Variants in SLIT1 observed in about 807,000 individuals in gnomAD.
SLIT1 encodes the protein slit guidance ligand 1, also known as slit homolog 1 protein.
In SLIT1, 66 loss-of-function variants were observed where a neutral mutation model predicts 186.1. That is an observed-to-expected ratio of 0.35 (90% CI 0.29 to 0.44). SLIT1 has a LOEUF of 0.44. SLIT1 is among the 20% of genes least tolerant of loss of function. SLIT1 has a pLI of 1.00. For synonymous variants in SLIT1, 761 were observed against 833.8 expected (o/e 0.91, Z 1.50); for missense variants, 1,638 against 2,037.4 (o/e 0.80, Z 3.77).
At chr10:97,023,999 G>A (rs892370879) in intron 25 of SLIT1, among the ~76,000 whole-genome samples, 2 of 152,074 alleles carry the variant, frequency 1.3e-5, no homozygotes, top group Admixed American at 6.6e-5. Context: ...GGGAGGGAGC[G>A]AGGGAAGGAA....
chr10:97,131,072 G>T (rs1486844336), intron 4 of SLIT1, among the ~76,000 whole-genome samples: 1 of 152,158 alleles, frequency 6.6e-6, no homozygotes, highest in Non-Finnish European at 1.5e-5. Context: ...ACCCTGCCAG[G>T]TGAGACCGAC....
chr10:97,118,962 T>C (rs1265916207), intron 4 of SLIT1, among the ~76,000 whole-genome samples: 1 of 152,094 alleles, frequency 6.6e-6, no homozygotes, highest in Non-Finnish European at 1.5e-5. Flanking sequence ...CGGAAATACA[T>C]CCCTGCTCTG....
At chr10:97,024,370 G>C (rs1464364274) in intron 25 of SLIT1, among the ~76,000 whole-genome samples, 5 of 152,120 alleles carry the variant, frequency 3.3e-5, no homozygotes, top group African/African-American at 4.8e-5. Context: ...AATATATCTG[G>C]GGGTCACTTC....
chr10:97,134,468 A>T (rs979259989), intron 4 of SLIT1, among the ~76,000 whole-genome samples: 10 of 152,116 alleles, frequency 6.6e-5, no homozygotes, highest in African/African-American at 2.4e-4. Flanking sequence ...GCCCCTGGGT[A>T]GGAGCAGACC....
intron 1 of SLIT1, among the ~76,000 whole-genome samples, chr10:97,181,144 G>C (rs1850332140): frequency 6.6e-6 from 1 of 152,138 alleles, no homozygotes; most frequent in East Asian, 1.9e-4. Flanking sequence ...CAGTCATTCA[G>C]AGCCCAGCAA....
chr10:97,133,940 C>A (rs1169726927), intron 4 of SLIT1, among the ~76,000 whole-genome samples: 1 of 152,096 alleles, frequency 6.6e-6, no homozygotes, highest in East Asian at 1.9e-4. Context: ...AGCCGTATAC[C>A]CTTGCTATTG....
intron 1 of SLIT1, among the ~76,000 whole-genome samples, chr10:97,170,899 G>A (rs1189514948): frequency 6.6e-6 from 1 of 151,944 alleles, no homozygotes; most frequent in African/African-American, 2.4e-5. Context: ...AAACTCCCTG[G>A]GCTCCTCTCG....
Position 97,049,025 on chromosome 10 carries a change from G to A in SLIT1, c.1395C>T (p.Arg465=), listed in dbSNP as rs774875316. The A allele has an allele frequency of 3.7e-6, 6 of 1,613,252 alleles. No individual in the cohort carries two copies. The South Asian group carries it at 5.5e-5, about 15-fold the overall frequency. ...RTNPIETSGA[R]CASPRRLANK... ...TGGCGAGGCGCCGGGGACTGGCACA[G>A]CGGGCACCACTCGTCTCGATGGGAT... The change falls in exon 14 of 37, where the codon CGC becomes CGT. Residue 465 remains arginine (R), a synonymous_variant. Coordinates refer to ENST00000266058, the MANE Select transcript of SLIT1 (RefSeq NM_003061.3).
At chr10:97,127,994 C>T (rs181543537) in intron 4 of SLIT1, among the ~76,000 whole-genome samples, 1 of 152,322 alleles carries the variant, frequency 6.6e-6, no homozygotes, top group East Asian at 1.9e-4. Context: ...AGAACAGACC[C>T]AGCTCCCACA....
Position 97,075,595 on chromosome 10 carries a change from A to G in SLIT1, c.414-9509T>C, listed in dbSNP as rs368807350. 5.3e-5 allele frequency among the ~76,000 whole-genome samples: 8 copies of G among 152,326 alleles called. No individual in the cohort carries two copies. In the South Asian group the frequency reaches 1.7e-3, roughly 32 times the overall value. On this transcript the variant is annotated intron_variant, in intron 4 of 36. Transcript: ENST00000266058. ...TCACACACTCAGCGTGCCCACTGGTAGCTGGTGCCAGCACGGGGCAGCCTC... is the reference window on the plus strand; with the variant it reads ...TCACACACTCAGCGTGCCCACTGGTGGCTGGTGCCAGCACGGGGCAGCCTC...
At chr10:97,003,045 G>A in intron 34 of SLIT1, 53 bp from the exon 35 acceptor site, 1 of 1,556,454 alleles carries the variant, frequency 6.4e-7, no homozygotes, top group Non-Finnish European at 8.8e-7. Context: ...GGCTATGCCG[G>A]GCACCCACCC....
chr10:97,173,967 C>T (rs1850224396), intron 1 of SLIT1, among the ~76,000 whole-genome samples: 1 of 152,228 alleles, frequency 6.6e-6, no homozygotes, highest in Non-Finnish European at 1.5e-5. Flanking sequence ...AGGGCTTCCA[C>T]TCTGCTCCTC....
In SLIT1 at chr10:97,004,301, C is replaced by T. The variant is rs537911890; in HGVS notation, c.3711-79G>A. 2 of 1,418,200 alleles carry T rather than the reference C, an allele frequency of 1.4e-6. No individual in the cohort carries two copies. Among genetic ancestry groups the T allele is most frequent in the East Asian group, 4.6e-5 (2 of 43,304 alleles). 87.9% of individuals were successfully genotyped at this position (1,418,200 alleles called of 1,614,324 possible). ...CCCTGCCTGGGCACTTCCCCAGAAA[C>T]ACCAGTAGCTGCTTCCCAGGAGACC... On this transcript the variant is annotated intron_variant, in intron 33 of 36. Coordinates refer to ENST00000266058, the MANE Select transcript of SLIT1 (RefSeq NM_003061.3). This position sits in a 1 kb window ranked among gnomAD's most constrained non-coding sequence, Gnocchi z 5.1.
chr10:97,001,701 T>C (rs1452223832), intron 36 of SLIT1, among the ~76,000 whole-genome samples: 1 of 152,032 alleles, frequency 6.6e-6, no homozygotes, highest in East Asian at 1.9e-4. Context: ...TAGGGGACCC[T>C]TAAGGTGCCT....
chr10:97,088,765 G>C (rs1482922554), intron 4 of SLIT1, among the ~76,000 whole-genome samples: 1 of 152,166 alleles, frequency 6.6e-6, no homozygotes, highest in African/African-American at 2.4e-5. Flanking sequence ...CAGAAGCCAG[G>C]AACCAGGGCT....
intron 4 of SLIT1, among the ~76,000 whole-genome samples, chr10:97,122,550 TGTGTATGTGA>T (rs1310206460): frequency 6.6e-6 from 1 of 152,038 alleles, no homozygotes; most frequent in Non-Finnish European, 1.5e-5. Context: ...GCCTGGATGA[TGTGTATGTGA>T]GTGTGTGTGA....
At position 97,002,789 on chromosome 10, in the gene SLIT1, T is replaced by C; in HGVS notation, c.4069A>G (p.Thr1357Ala). 2 of 1,613,760 alleles carry C rather than the reference T, an allele frequency of 1.2e-6. No individual in the cohort carries two copies. Among genetic ancestry groups the C allele is most frequent in the Non-Finnish European group, 1.7e-6 (2 of 1,179,912 alleles). Residue 1357 changes from threonine (T) to alanine (A), a missense_variant, in exon 35 of 37, where the codon ACC becomes GCC. Coordinates refer to ENST00000266058, the MANE Select transcript of SLIT1 (RefSeq NM_003061.3). ...TCGCAGTGGCACATGGGCCCTGGGGTGGCATTGGGCTGGCAGATGCCATGC... is the reference window on the plus strand; with the variant it reads ...TCGCAGTGGCACATGGGCCCTGGGGCGGCATTGGGCTGGCAGATGCCATGC... ...CLHGICQPNATPGPMCHCEAG... is the reference protein window; with the variant it reads ...CLHGICQPNAAPGPMCHCEAG...
chr10:97,163,537 A>G, intron 2 of SLIT1, 86 bp from the exon 3 acceptor site: 3 of 1,112,258 alleles, frequency 2.7e-6, no homozygotes, highest in Non-Finnish European at 4.1e-6. Context: ...GGCAGAGGCA[A>G]CCTCTGCCAG....
chr10:97,004,316 C>T lies in SLIT1; in HGVS notation c.3711-94G>A, dbSNP rs1448053930. On this transcript the variant is annotated intron_variant, in intron 33 of 36. Coordinates refer to ENST00000266058, the MANE Select transcript of SLIT1 (RefSeq NM_003061.3). The surrounding 1 kb of genome is among the most constrained non-coding windows in gnomAD (Gnocchi z 5.1). ...TCCCCAGAAACACCAGTAGCTGCTTCCCAGGAGACCAAATATCTAAGGAAA... is the reference window on the plus strand; with the variant it reads ...TCCCCAGAAACACCAGTAGCTGCTTTCCAGGAGACCAAATATCTAAGGAAA... 3 of 1,246,248 alleles carry T rather than the reference C, an allele frequency of 2.4e-6. No homozygotes were observed. Among genetic ancestry groups the T allele is most frequent in the East Asian group, 4.7e-5 (2 of 42,556 alleles). 77.2% of individuals were successfully genotyped at this position (1,246,248 alleles called of 1,614,324 possible). A position where few individuals can be genotyped will look rare whatever the true frequency, so the allele number is the denominator to read the frequency against.
Sources: allele counts gnomAD v4.1 joint callset (sites outside exome capture counted in the v4.1 genomes callset), GRCh38; gene constraint gnomAD v4.1.1; non-coding constraint Gnocchi (gnomAD v3.1); transcripts MANE v1.5; gene names NCBI Gene and HGNC (gene_info 2026-07-23, HGNC 2026-07-21).